Variants in AQP4 observed in about 807,000 individuals in gnomAD.
AQP4 encodes aquaporin 4, also known as aquaporin-4.
In AQP4, 18 loss-of-function variants were observed where a neutral mutation model predicts 27.8. That is an observed-to-expected ratio of 0.65 (90% CI 0.45 to 0.96). The LOEUF (loss-of-function observed/expected upper bound fraction) is 0.96. Among genes scored for constraint, AQP4 ranks in the 40% least tolerant of loss-of-function variants. The probability of loss-of-function intolerance (pLI) is 0.00; values close to 1 mark genes in which losing one functional copy is unlikely to be tolerated. For missense variants in AQP4, 412 were observed against 408.2 expected (o/e 1.01, Z -0.08); for synonymous variants, 141 against 142.9 (o/e 0.99, Z 0.10).
At position 26,862,193 on chromosome 18, in the gene AQP4, C is replaced by T. The variant is rs1238857287; in HGVS notation, c.436G>A (p.Gly146Arg). The change falls in exon 2 of 5, where the codon GGA (glycine) becomes AGA (arginine). Residue 146 changes from glycine (G) to arginine (R), a missense_variant. Physicochemically the swap from Gly to Arg is moderately radical, Grantham distance 125. Transcript: ENST00000383168. ...VTPPSVVGGL[G>R]VTMVHGNLTA... Reference sequence around the variant, plus strand: ...GCTAAAGATGCTACCATGGTGACTCCCAGGCCTCCCACCACACTGGGAGGT... The same window carrying T: ...GCTAAAGATGCTACCATGGTGACTCTCAGGCCTCCCACCACACTGGGAGGT... 9.9e-6 allele frequency: 16 copies of T among 1,613,980 alleles called. No homozygotes were observed. Among genetic ancestry groups the T allele is most frequent in the Non-Finnish European group, 1.4e-5 (16 of 1,180,042 alleles).
chr18:26,862,481 G>C lies in AQP4; in HGVS notation c.148C>G (p.Leu50Val). ...TTGATGGTGGATCCCAGGCTGAGGA[G>C]AACAAAAATAAGCATGGCCAGAAAT... Reference protein sequence around the residue: ...AEFLAMLIFVLLSLGSTINWG... With the variant: ...AEFLAMLIFVVLSLGSTINWG... Residue 50 changes from leucine to valine, a missense_variant, in exon 2 of 5, where the codon CTC becomes GTC. Leu to Val is a conservative substitution (Grantham distance 32, BLOSUM62 1). Coordinates refer to ENST00000383168, the MANE Select transcript of AQP4 (RefSeq NM_001650.7). 1.2e-6 allele frequency: 2 copies of C among 1,614,210 alleles called. No individual in the cohort carries two copies. Among genetic ancestry groups the C allele is most frequent in the Non-Finnish European group, 1.7e-6 (2 of 1,180,032 alleles).
At chr18:26,860,984 T>C (rs997400616) in intron 3 of AQP4, 132 bp from the exon 4 acceptor site, 11 of 1,371,008 alleles carry the variant, frequency 8.0e-6, no homozygotes, top group African/African-American at 5.7e-5. Context: ...AACATTCTCA[T>C]TGAGCAGTTG....
At position 26,853,107 on chromosome 18, in the gene AQP4, C is replaced by A; in HGVS notation, c.*3104G>T. ...GATAAATCATATAGCTCAATTTCAT[C>A]ACATATGTTTTCCAAAGATTTCTAA... On this transcript the variant is annotated 3_prime_UTR_variant, in exon 5 of 5. Transcript: ENST00000383168. 1 of 388,476 alleles carries A rather than the reference C, an allele frequency of 2.6e-6. No individual in the cohort carries two copies. The highest frequency in any genetic ancestry group is 4.5e-6 in the Non-Finnish European group (1 of 220,106). The allele number at this position is 388,476 out of a possible 1,614,324, so 24.1% of individuals were successfully genotyped here. A position where few individuals can be genotyped will look rare whatever the true frequency, so the allele number is the denominator to read the frequency against.
In AQP4 at chr18:26,856,032, G is replaced by A; in HGVS notation, c.*179C>T. On this transcript the variant is annotated 3_prime_UTR_variant, in exon 5 of 5. Coordinates refer to ENST00000383168, the MANE Select transcript of AQP4 (RefSeq NM_001650.7). Reference sequence around the variant, plus strand: ...TTTTTTAGATTTGGAATTCACAATAGGTTTCTTCCGTTCCTCCTTTGTAAA... The same window carrying A: ...TTTTTTAGATTTGGAATTCACAATAAGTTTCTTCCGTTCCTCCTTTGTAAA... 1.3e-6 allele frequency: 1 copy of A among 758,512 alleles called. No homozygotes were observed. Among genetic ancestry groups the A allele is most frequent in the Non-Finnish European group, 2.1e-6 (1 of 473,548 alleles). 47.0% of individuals were successfully genotyped at this position (758,512 alleles called of 1,614,324 possible).
intron 1 of AQP4, among the ~76,000 whole-genome samples, chr18:26,864,194 T>C (rs2055014013): frequency 6.6e-6 from 1 of 152,142 alleles, no homozygotes; most frequent in African/African-American, 2.4e-5. Flanking sequence ...CTTTGACAAA[T>C]TGCGGGGCCC....
Position 26,861,749 on chromosome 18 carries a change from G to A in AQP4, c.447+433C>T, listed in dbSNP as rs112852001. On this transcript the variant is annotated intron_variant, in intron 2 of 4. Transcript: ENST00000383168. Reference sequence around the variant, plus strand: ...AGTTAACAATTGATACTCCTAATCAGCTAAGAACAAAACTAGGATCGGATG... The same window carrying A: ...AGTTAACAATTGATACTCCTAATCAACTAAGAACAAAACTAGGATCGGATG... 6.4e-3 allele frequency among the ~76,000 whole-genome samples: 972 copies of A among 152,062 alleles called. 15 individuals carry two copies. The highest frequency in any genetic ancestry group is 0.023 in the African/African-American group (944 of 41,444).
At chr18:26,862,834 C>T (rs1446948242) in intron 1 of AQP4, 11 of 596,074 alleles carry the variant, frequency 1.8e-5, no homozygotes, top group Non-Finnish European at 2.4e-5. Context: ...ATTATCCAAA[C>T]TGTCCCTAGA....
chr18:26,856,399 AACG>A lies in AQP4; in HGVS notation c.781_783del (p.Arg261del). The stretch of plus-strand genomic sequence containing the variant: ...GCAGCTTTGCTGAAGGCTTCTTTAA[AACG>A]ACGTTTGAATTCAACATCTGGACAG... On this transcript the variant is annotated inframe_deletion, in exon 5 of 5. Coordinates refer to ENST00000383168, the MANE Select transcript of AQP4 (RefSeq NM_001650.7). 1 of 1,614,230 alleles carries A rather than the reference AACG, an allele frequency of 6.2e-7. No homozygotes were observed. Among genetic ancestry groups the A allele is most frequent in the Non-Finnish European group, 8.5e-7 (1 of 1,180,042 alleles).
Position 26,862,042 on chromosome 18 carries a change from C to T in AQP4, c.447+140G>A, listed in dbSNP as rs2054955027. 6 of 962,152 alleles carry T rather than the reference C, an allele frequency of 6.2e-6. No homozygotes were observed. The South Asian group carries it at 7.0e-5, about 11-fold the overall frequency. The allele number at this position is 962,152 out of a possible 1,614,324, so 59.6% of individuals were successfully genotyped here. A position where few individuals can be genotyped will look rare whatever the true frequency, so the allele number is the denominator to read the frequency against. ...CCTAAATACTGCCAGAATCAGTTTT[C>T]ACACTATTAAGAATCATCAAAAATT... On this transcript the variant is annotated intron_variant, in intron 2 of 4. Coordinates refer to ENST00000383168, the MANE Select transcript of AQP4 (RefSeq NM_001650.7).
rs745866629 is a variant in AQP4, at chr18:26,865,691, C to A, written c.-2G>T. 6 of 1,614,218 alleles carry A rather than the reference C, an allele frequency of 3.7e-6. No homozygotes were observed. ...CCTTGCTGTGGGTCTGTCACTCATG[C>A]CTTCCCCAGCCAGAGTGCAGCTCTC... On this transcript the variant is annotated 5_prime_UTR_variant, in exon 1 of 5. Transcript: ENST00000383168.
chr18:26,855,863 A>T lies in AQP4; in HGVS notation c.*348T>A, dbSNP rs2054831655. Reference sequence around the variant, plus strand: ...GACTATACCAATATTCCAGTAGAGAAGGAATAAGCTGATAGACGTGTCTTT... The same window carrying T: ...GACTATACCAATATTCCAGTAGAGATGGAATAAGCTGATAGACGTGTCTTT... On this transcript the variant is annotated 3_prime_UTR_variant, in exon 5 of 5. Coordinates refer to ENST00000383168, the MANE Select transcript of AQP4 (RefSeq NM_001650.7). The T allele has an allele frequency of 3.1e-6, 1 of 317,534 alleles. No individual in the cohort carries two copies. Among genetic ancestry groups the T allele is most frequent in the African/African-American group, 2.2e-5 (1 of 46,324 alleles). 19.7% of individuals were successfully genotyped at this position (317,534 alleles called of 1,614,324 possible).
chr18:26,865,613 C>G lies in AQP4; in HGVS notation c.32+45G>C, dbSNP rs201285471. The G allele has an allele frequency of 6.8e-6, 11 of 1,613,564 alleles. No homozygotes were observed. In the East Asian group the frequency reaches 2.5e-4, roughly 36 times the overall value. ...TCTATAATAAAAGAGACAGTTTCAT[C>G]TTTTGGCCCTAAGCGTTGTTCCCTT... On this transcript the variant is annotated intron_variant, in intron 1 of 4. Transcript: ENST00000383168.
rs1230132638 is a variant in AQP4 at position 26,853,889 on chromosome 18, T to C, written c.*2322A>G. The C allele has an allele frequency of 6.6e-6, 1 of 152,338 alleles. No homozygotes were observed. Among genetic ancestry groups the C allele is most frequent in the African/African-American group, 2.4e-5 (1 of 41,468 alleles). The allele number at this position is 152,338 out of a possible 1,614,324, so 9.4% of individuals were successfully genotyped here. On this transcript the variant is annotated 3_prime_UTR_variant, in exon 5 of 5. Transcript: ENST00000383168. ...ATAGTAGAATGCAAAAAATGTATTTTATGGTTTTCACATGTATATTGCCTT... is the reference window on the plus strand; with the variant it reads ...ATAGTAGAATGCAAAAAATGTATTTCATGGTTTTCACATGTATATTGCCTT...
intron 2 of AQP4, among the ~76,000 whole-genome samples, chr18:26,861,684 T>G (rs1176216566): frequency 1.3e-5 from 2 of 152,196 alleles, no homozygotes; most frequent in Non-Finnish European, 2.9e-5. Context: ...CAATTAAAAT[T>G]TAAGCCATGT....
At chr18:26,865,385 T>C in intron 1 of AQP4, 2 of 563,864 alleles carry the variant, frequency 3.5e-6, no homozygotes, top group Non-Finnish European at 3.2e-6. Context: ...CGAAGAAATG[T>C]ACTATAGCTA....
Position 26,853,754 on chromosome 18 carries a change from C to A in AQP4, c.*2457G>T, listed in dbSNP as rs1301678284. 2.0e-5 allele frequency: 3 copies of A among 152,614 alleles called. No homozygotes were observed. The highest frequency in any genetic ancestry group is 7.2e-5 in the African/African-American group (3 of 41,438). The allele number at this position is 152,614 out of a possible 1,614,324, so 9.5% of individuals were successfully genotyped here. Reference sequence around the variant, plus strand: ...CTGCATAGATGTCATTAGAAAGGTACAATTTCATTACTTTTTACTGGCAGA... The same window carrying A: ...CTGCATAGATGTCATTAGAAAGGTAAAATTTCATTACTTTTTACTGGCAGA... On this transcript the variant is annotated 3_prime_UTR_variant, in exon 5 of 5. Transcript: ENST00000383168.
At chr18:26,858,564 T>C (rs970452055) in intron 4 of AQP4, among the ~76,000 whole-genome samples, 2 of 152,212 alleles carry the variant, frequency 1.3e-5, no homozygotes, top group Non-Finnish European at 2.9e-5. Flanking sequence ...AAAAAACCCA[T>C]ATGAGCCTTT....
rs1402907144 is a variant in AQP4, at chr18:26,852,196, T to C, written c.*4015A>G. The C allele has an allele frequency of 6.6e-6, 1 of 152,244 alleles. No homozygotes were observed. Among genetic ancestry groups the C allele is most frequent in the Non-Finnish European group, 1.5e-5 (1 of 68,032 alleles). The allele number at this position is 152,244 out of a possible 1,614,324, so 9.4% of individuals were successfully genotyped here. ...TAAATCTTTTTAACATTAGCTCTAA[T>C]GTTGGAATAACATTTAAGTTAATAA... On this transcript the variant is annotated 3_prime_UTR_variant, in exon 5 of 5. Transcript: ENST00000383168.
chr18:26,865,672 T>C lies in AQP4; in HGVS notation c.18A>G (p.Thr6=). 6.2e-7 allele frequency: 1 copy of C among 1,614,228 alleles called. No homozygotes were observed. The highest frequency in any genetic ancestry group is 8.5e-7 in the Non-Finnish European group (1 of 1,180,034). Residue 6 remains threonine, a synonymous_variant, in exon 1 of 5, where the codon ACA becomes ACG. Transcript: ENST00000383168. MSDRP[T]ARRWGKCGPL... ...GAAGGACTTACCCCCACCGCCTTGC[T>C]GTGGGTCTGTCACTCATGCCTTCCC... is the stretch of plus-strand genomic sequence containing the variant.
Sources: allele counts gnomAD v4.1 joint callset (sites outside exome capture counted in the v4.1 genomes callset), GRCh38; gene constraint gnomAD v4.1.1; transcripts MANE v1.5; gene names NCBI Gene and HGNC (gene_info 2026-07-23, HGNC 2026-07-21).